The following PPP1R9A variants were observed in gnomAD, a reference collection of about 807,000 sequenced individuals.
The protein encoded by PPP1R9A is protein phosphatase 1 regulatory subunit 9A.
In PPP1R9A, 59 loss-of-function variants were observed where a neutral mutation model predicts 141.9. The ratio of observed to expected loss-of-function variants is 0.42; its 90% CI spans 0.34 to 0.52. The LOEUF is 0.52. Ranked by LOEUF, PPP1R9A falls within the 20% of genes least tolerant of loss-of-function variation. The pLI is 0.10. For missense variants in PPP1R9A, 1,444 were observed against 1,611.9 expected, an observed-to-expected ratio of 0.90 and a Z score of 1.78; for synonymous variants, 500 against 569.7, an observed-to-expected ratio of 0.88 and a Z score of 1.74.
At chr7:94,937,767 G>C (rs540785945) in intron 2 of PPP1R9A, among the ~76,000 whole-genome samples, 1 of 152,002 alleles carries the variant, frequency 6.6e-6, no homozygotes, top group Admixed American at 6.5e-5. Context: ...TCTTCTCTGT[G>C]GTATTCTATA....
At chr7:95,080,236 CAA>C (rs1319409312) in intron 2 of PPP1R9A, among the ~76,000 whole-genome samples, 1 of 152,192 alleles carries the variant, frequency 6.6e-6, no homozygotes, top group Non-Finnish European at 1.5e-5. Context: ...GCAACTTCAG[CAA>C]AGTCTCAGGA....
At chr7:95,200,608 A>G (rs1789343777) in intron 6 of PPP1R9A, among the ~76,000 whole-genome samples, 1 of 152,140 alleles carries the variant, frequency 6.6e-6, no homozygotes, top group Non-Finnish European at 1.5e-5. Context: ...GATAATTGGA[A>G]TAGATGGAAA....
chr7:94,976,065 T>A (rs7788938), intron 2 of PPP1R9A, among the ~76,000 whole-genome samples: 14,063 of 151,872 alleles, frequency 0.093, 726 homozygotes, highest in East Asian at 0.17. Flanking sequence ...TGCTCCTGTA[T>A]TTTTTTTAGC....
At chr7:94,983,797 C>T (rs1026219938) in intron 2 of PPP1R9A, among the ~76,000 whole-genome samples, 2 of 152,178 alleles carry the variant, frequency 1.3e-5, no homozygotes, top group Non-Finnish European at 2.9e-5. Context: ...TTGACTTCCT[C>T]GTTTCCTAAT....
intron 2 of PPP1R9A, among the ~76,000 whole-genome samples, chr7:94,992,636 T>C (rs1207992899): frequency 6.6e-6 from 1 of 152,222 alleles, no homozygotes; most frequent in Non-Finnish European, 1.5e-5. Context: ...GCACTTGGGC[T>C]GGGCAGTCTT....
At chr7:95,280,098 A>G (rs1307033425) in intron 16 of PPP1R9A, among the ~76,000 whole-genome samples, 1 of 152,108 alleles carries the variant, frequency 6.6e-6, no homozygotes, top group African/African-American at 2.4e-5. Flanking sequence ...TTAGATGGAC[A>G]TGTTTCTCAC....
chr7:95,173,918 G>A (rs780677240), intron 5 of PPP1R9A, among the ~76,000 whole-genome samples: 7 of 152,096 alleles, frequency 4.6e-5, no homozygotes, highest in Non-Finnish European at 7.4e-5. Context: ...TTTGCTGATC[G>A]GAATGCAAAA....
intron 8 of PPP1R9A, among the ~76,000 whole-genome samples, chr7:95,233,515 TA>T (rs893846423): frequency 2.6e-5 from 4 of 151,262 alleles, no homozygotes; most frequent in African/African-American, 9.7e-5. Context: ...TAAAGTATAA[TA>T]AAAAAAAGAA....
chr7:95,182,054 G>T (rs1563372002), intron 5 of PPP1R9A, among the ~76,000 whole-genome samples: 1 of 151,936 alleles, frequency 6.6e-6, no homozygotes, highest in Non-Finnish European at 1.5e-5. Flanking sequence ...AGGGATAAAA[G>T]ACTACAAATA....
chr7:95,235,333 A>G (rs541008345), intron 8 of PPP1R9A, among the ~76,000 whole-genome samples: 3 of 152,282 alleles, frequency 2.0e-5, no homozygotes, highest in South Asian at 2.1e-4. Context: ...AAAACAAACA[A>G]TCCCATCAAA....
chr7:95,070,138 T>G (rs988304803), intron 2 of PPP1R9A, among the ~76,000 whole-genome samples: 2 of 152,158 alleles, frequency 1.3e-5, no homozygotes, highest in African/African-American at 4.8e-5. Context: ...TTCCAGGCTA[T>G]TGGCTTACTT....
chr7:95,034,395 G>C (rs543315772), intron 2 of PPP1R9A, among the ~76,000 whole-genome samples: 64 of 152,018 alleles, frequency 4.2e-4, no homozygotes, highest in African/African-American at 1.5e-3. Context: ...TAAAATTAAG[G>C]TGTAAATTTC....
chr7:95,098,931 G>A (rs942552064), intron 2 of PPP1R9A, among the ~76,000 whole-genome samples: 12 of 152,180 alleles, frequency 7.9e-5, no homozygotes, highest in African/African-American at 2.2e-4. Context: ...CCATTTTCAC[G>A]CTCAAGAGAA....
At chr7:95,029,856 G>T (rs561205608) in intron 2 of PPP1R9A, among the ~76,000 whole-genome samples, 215 of 152,186 alleles carry the variant, frequency 1.4e-3, no homozygotes, top group Non-Finnish European at 2.8e-3. Flanking sequence ...ATACATTGCC[G>T]TTTTAGTTGG....
rs186092300 is a variant in PPP1R9A at position 94,968,186 on chromosome 7, T to G, written c.1395+56678T>G. Among the ~76,000 whole-genome samples, 541 of 152,202 alleles carry G rather than the reference T, an allele frequency of 3.6e-3. 5 individuals are homozygous for G. Among genetic ancestry groups the G allele is most frequent in the African/African-American group, 0.012 (515 of 41,544 alleles). On this transcript the variant is annotated intron_variant, in intron 2 of 19. Coordinates refer to ENST00000433360, the MANE Select transcript of PPP1R9A (RefSeq NM_001166160.2). ...GTAATGCCCTTCTTTGTCTCTTTTT[T>G]TTTTGAGACGGAGTCTCGCTCTGTC...
At position 95,208,493 on chromosome 7, in the gene PPP1R9A, G is replaced by A. The variant is rs570269904; in HGVS notation, c.1956+4763G>A. 2.6e-5 allele frequency among the ~76,000 whole-genome samples: 4 copies of A among 152,286 alleles called. No homozygotes were observed. In the East Asian group the frequency reaches 5.8e-4, roughly 22 times the overall value. On this transcript the variant is annotated intron_variant, in intron 7 of 19. Transcript: ENST00000433360. ...TAATCCCAGGACTTTGGGAGGCTGAGGCAGGTGGATCACGAGGTCAGGAGA... is the reference window on the plus strand; with the variant it reads ...TAATCCCAGGACTTTGGGAGGCTGAAGCAGGTGGATCACGAGGTCAGGAGA...
At chr7:95,178,005 G>C (rs889341358) in intron 5 of PPP1R9A, among the ~76,000 whole-genome samples, 1 of 152,010 alleles carries the variant, frequency 6.6e-6, no homozygotes, top group Non-Finnish European at 1.5e-5. Flanking sequence ...AGAAACAATG[G>C]ATTTAAACTA....
chr7:95,209,750 AT>A (rs1791681043), intron 7 of PPP1R9A, among the ~76,000 whole-genome samples: 2 of 152,114 alleles, frequency 1.3e-5, no homozygotes, highest in Admixed American at 6.6e-5. Context: ...ATCTGATAGC[AT>A]TTTTGCAATT....
intron 9 of PPP1R9A, among the ~76,000 whole-genome samples, chr7:95,249,532 A>G (rs1164809639): frequency 6.6e-6 from 1 of 152,102 alleles, no homozygotes; most frequent in Non-Finnish European, 1.5e-5. Flanking sequence ...ATAATGACAG[A>G]ACTGGGATTC....
Sources: gnomAD v4.1 joint callset for allele counts (sites outside exome capture counted in the v4.1 genomes callset) on GRCh38, gnomAD v4.1.1 for gene constraint, MANE v1.5 for transcripts, NCBI Gene and HGNC (gene_info 2026-07-23, HGNC 2026-07-21) for gene names.